PACS1: variants seen among roughly 807,000 people sequenced by gnomAD.
PACS1 encodes the protein phosphofurin acidic cluster sorting protein 1, also known as PACS-1.
In PACS1, 24 loss-of-function variants were observed where a neutral mutation model predicts 115.0. The observed-to-expected ratio is 0.21, with a 90% CI of 0.15 to 0.29. PACS1 has a LOEUF of 0.29. PACS1 is among the 10% of genes least tolerant of loss of function. The pLI is 1.00. For missense variants in PACS1, 838 were observed against 1,251.2 expected, an observed-to-expected ratio of 0.67 and a Z score of 4.98; for synonymous variants, 453 against 504.5, an observed-to-expected ratio of 0.90 and a Z score of 1.37.
chr11:66,241,597 C>T lies in PACS1; in HGVS notation c.2600C>T (p.Ala867Val). ...QVSRLPHSGE[A>V]QLSGTMAMTV... is the part of the protein sequence containing the mutation. ...TCCCGCCTGCCCCATAGTGGGGAGG[C>T]CCAGCTTTCTGGCACCATGGCCATG... The change falls in exon 22 of 24, where the codon GCC becomes GTC. Residue 867 changes from alanine (A) to valine (V), a missense_variant. Physicochemically the swap from Ala to Val is moderately conservative, Grantham distance 64. Transcript: ENST00000320580. 6.2e-7 allele frequency: 1 copy of T among 1,614,166 alleles called. No individual in the cohort carries two copies. The highest frequency in any genetic ancestry group is 8.5e-7 in the Non-Finnish European group (1 of 1,179,994).
At chr11:66,111,415 C>T (rs779500490) in intron 1 of PACS1, among the ~76,000 whole-genome samples, 135 of 152,296 alleles carry the variant, frequency 8.9e-4, no homozygotes, top group African/African-American at 2.3e-3. Context: ...ATATCAGACA[C>T]GTGGCACTGA....
intron 1 of PACS1, among the ~76,000 whole-genome samples, chr11:66,093,568 G>A (rs924379539): frequency 1.4e-5 from 2 of 144,922 alleles, no homozygotes; most frequent in Admixed American, 1.4e-4. Context: ...GACCTACAAA[G>A]AGACTTAGAC....
rs780935736 is a variant in PACS1, at chr11:66,238,786, C to A, written c.2251-18C>A. 3 of 1,580,144 alleles carry A rather than the reference C, an allele frequency of 1.9e-6. No individual in the cohort carries two copies. Among genetic ancestry groups the A allele is most frequent in the Non-Finnish European group, 2.6e-6 (3 of 1,160,458 alleles). ...CTTTAACAGGAGGATCTAATGAGTG[C>A]CTCTTCTCTCCTTGCAGGTGGTGAA... On this transcript the variant is annotated intron_variant, in intron 19 of 23. Coordinates refer to ENST00000320580, the MANE Select transcript of PACS1 (RefSeq NM_018026.4).
chr11:66,243,135 T>C, intron 23 of PACS1, 30 bp from the exon 24 acceptor site: 7 of 1,611,694 alleles, frequency 4.3e-6, no homozygotes, highest in Non-Finnish European at 5.9e-6. Flanking sequence ...CTGAGCAGTC[T>C]GGTCACCCCT....
intron 2 of PACS1, among the ~76,000 whole-genome samples, chr11:66,202,742 A>AAAAAT (rs1200930188): frequency 2.8e-5 from 2 of 71,606 alleles, no homozygotes; most frequent in African/African-American, 7.9e-5. Flanking sequence ...AAAAAAAAAA[A>AAAAAT]ATATATATAT....
intron 1 of PACS1, among the ~76,000 whole-genome samples, chr11:66,128,127 T>A (rs896896242): frequency 1.3e-5 from 2 of 152,064 alleles, no homozygotes; most frequent in African/African-American, 4.8e-5. Flanking sequence ...AAGAGATGAA[T>A]GAACCAATAG....
intron 1 of PACS1, among the ~76,000 whole-genome samples, chr11:66,091,679 A>C (rs1388365064): frequency 1.8e-4 from 24 of 134,556 alleles, no homozygotes; most frequent in East Asian, 4.3e-4. Context: ...CCCTCCTCCC[A>C]CCCCACAACA....
At chr11:66,104,934 A>G (rs1858001239) in intron 1 of PACS1, among the ~76,000 whole-genome samples, 1 of 152,142 alleles carries the variant, frequency 6.6e-6, no homozygotes, top group African/African-American at 2.4e-5. Flanking sequence ...TCAGTAAGTA[A>G]TTGTTGAATA....
intron 2 of PACS1, among the ~76,000 whole-genome samples, chr11:66,205,560 T>C (rs142647973): frequency 6.6e-6 from 1 of 151,668 alleles, no homozygotes; most frequent in South Asian, 2.1e-4. Flanking sequence ...AATTATTAGT[T>C]AAAAATTGAA....
intron 10 of PACS1, among the ~76,000 whole-genome samples, chr11:66,227,207 A>G (rs888000552): frequency 2.0e-5 from 3 of 152,184 alleles, no homozygotes; most frequent in African/African-American, 4.8e-5. Flanking sequence ...CATGGATGCA[A>G]TAGCAAAGCC....
intron 1 of PACS1, among the ~76,000 whole-genome samples, chr11:66,182,867 C>T (rs1011629979): frequency 6.6e-6 from 1 of 152,188 alleles, no homozygotes; most frequent in Non-Finnish European, 1.5e-5. Flanking sequence ...TGTGGTTGCT[C>T]ACACCTGTGA....
chr11:66,238,352 C>T, intron 19 of PACS1: 1 of 984,480 alleles, frequency 1.0e-6, no homozygotes, highest in Non-Finnish European at 1.2e-6. Context: ...GTGATTCCTG[C>T]CTTCAGCCCT....
intron 1 of PACS1, among the ~76,000 whole-genome samples, chr11:66,157,278 C>T (rs1296098110): frequency 2.0e-5 from 3 of 152,122 alleles, no homozygotes; most frequent in Non-Finnish European, 4.4e-5. Context: ...GAGGAGATCA[C>T]AGTGGGCCAG....
intron 7 of PACS1, chr11:66,217,021 CCTT>C (rs1469841446): frequency 3.9e-6 from 2 of 506,640 alleles, no homozygotes; most frequent in Non-Finnish European, 7.1e-6. Flanking sequence ...GGAGGAGAAC[CCTT>C]CTTGTAGAAT....
At chr11:66,242,880 C>T in intron 22 of PACS1, 32 bp from the exon 23 acceptor site, 1 of 1,613,416 alleles carries the variant, frequency 6.2e-7, no homozygotes, top group South Asian at 1.1e-5. Flanking sequence ...TCCCCAGGGG[C>T]TGGGACACAG....
chr11:66,182,528 A>G (rs1432256204), intron 1 of PACS1, among the ~76,000 whole-genome samples: 1 of 151,674 alleles, frequency 6.6e-6, no homozygotes, highest in African/African-American at 2.4e-5. Flanking sequence ...CAGTTGCGTG[A>G]TCATAGCTCA....
intron 13 of PACS1, chr11:66,231,748 G>A: frequency 5.0e-6 from 1 of 200,840 alleles, no homozygotes; most frequent in Non-Finnish European, 1.0e-5. Context: ...TACCCACACA[G>A]CACTCATTGC....
intron 1 of PACS1, among the ~76,000 whole-genome samples, chr11:66,163,624 A>G (rs1214563791): frequency 6.6e-6 from 1 of 152,212 alleles, no homozygotes; most frequent in Admixed American, 6.5e-5. Flanking sequence ...ATAGGTAGCT[A>G]TGATGTGACG....
Position 66,187,392 on chromosome 11 carries a change from A to T in PACS1, c.357-6094A>T, listed in dbSNP as rs553327666. Among the ~76,000 whole-genome samples, 20 of 152,274 alleles carry T rather than the reference A, an allele frequency of 1.3e-4. No individual in the cohort carries two copies. In the South Asian group the frequency reaches 3.9e-3, roughly 30 times the overall value. ...ATTAACTGTAGTCATCTTTCTGAAC[A>T]CTAGAGCTTATTCCTCCTATCTAGC... On this transcript the variant is annotated intron_variant, in intron 1 of 23. Transcript: ENST00000320580.
Sources: gnomAD v4.1 joint callset for allele counts (sites outside exome capture counted in the v4.1 genomes callset) on GRCh38, gnomAD v4.1.1 for gene constraint, MANE v1.5 for transcripts, NCBI Gene and HGNC (gene_info 2026-07-23, HGNC 2026-07-21) for gene names.